Variants in SPOCK1 observed in about 807,000 individuals in gnomAD.
The protein encoded by SPOCK1 is SPARC (osteonectin), cwcv and kazal like domains proteoglycan 1, also known as testican-1.
Under a neutral mutation model 55.3 loss-of-function variants are expected in SPOCK1, and 23 were observed. The ratio of observed to expected loss-of-function variants is 0.42; its 90% CI spans 0.30 to 0.59. SPOCK1 has a LOEUF of 0.59. Ranked by LOEUF, SPOCK1 falls within the 20% of genes least tolerant of loss-of-function variation. The probability of loss-of-function intolerance (pLI) is 0.22; values close to 1 mark genes in which losing one functional copy is unlikely to be tolerated. For missense variants in SPOCK1, 499 were observed against 552.5 expected, an observed-to-expected ratio of 0.90 and a Z score of 0.97; for synonymous variants, 226 against 221.0, an observed-to-expected ratio of 1.02 and a Z score of -0.20.
chr5:137,397,991 A>T (rs531470327), intron 2 of SPOCK1, among the ~76,000 whole-genome samples: 3 of 152,286 alleles, frequency 2.0e-5, no homozygotes, highest in African/African-American at 7.2e-5. Context: ...AAAAGAAGGA[A>T]GATGAACTAC....
chr5:137,450,609 C>T lies in SPOCK1; in HGVS notation c.186+47764G>A, dbSNP rs557903537. The stretch of plus-strand genomic sequence containing the variant: ...TTCTTAGTAATTTTTTAACAAGAGG[C>T]CTCATATTTTACTTTTCTCCAGGCC... On this transcript the variant is annotated intron_variant, in intron 2 of 10. Transcript: ENST00000394945. Among the ~76,000 whole-genome samples, 6 of 152,262 alleles carry T rather than the reference C, an allele frequency of 3.9e-5. No homozygotes were observed. In the South Asian group the frequency reaches 8.3e-4, roughly 21 times the overall value.
intron 4 of SPOCK1, among the ~76,000 whole-genome samples, chr5:137,121,226 TATTTA>T (rs1753676603): frequency 6.6e-6 from 1 of 152,230 alleles, no homozygotes; most frequent in Non-Finnish European, 1.5e-5. Flanking sequence ...ATAATGATCA[TATTTA>T]ATTTCTCTGA....
chr5:137,061,808 G>A (rs754008988), intron 6 of SPOCK1, among the ~76,000 whole-genome samples: 11 of 152,178 alleles, frequency 7.2e-5, no homozygotes, highest in Non-Finnish European at 1.5e-4. Context: ...TTGGGAGTGT[G>A]GTGACATTCT....
chr5:137,187,321 T>C (rs1755088723), intron 3 of SPOCK1, among the ~76,000 whole-genome samples: 1 of 152,154 alleles, frequency 6.6e-6, no homozygotes, highest in African/African-American at 2.4e-5. Flanking sequence ...CTGGGGCCAG[T>C]GTTTACCTCA....
At chr5:137,347,750 A>G (rs1337493410) in intron 2 of SPOCK1, among the ~76,000 whole-genome samples, 1 of 151,796 alleles carries the variant, frequency 6.6e-6, no homozygotes, top group African/African-American at 2.4e-5. Context: ...CAAACAAACA[A>G]ACAAAAAAAA....
At chr5:137,414,428 AAATTCAC>A (rs1752286215) in intron 2 of SPOCK1, among the ~76,000 whole-genome samples, 1 of 152,232 alleles carries the variant, frequency 6.6e-6, no homozygotes, top group Non-Finnish European at 1.5e-5. Flanking sequence ...TGTGCTGGGT[AAATTCAC>A]TTATTCAGTA....
intron 4 of SPOCK1, among the ~76,000 whole-genome samples, chr5:137,127,753 A>C (rs1753804116): frequency 6.6e-6 from 1 of 152,184 alleles, no homozygotes; most frequent in African/African-American, 2.4e-5. Context: ...ACCACATAAC[A>C]TGTTGGTTTC....
chr5:137,255,422 A>G (rs1175149678), intron 3 of SPOCK1, among the ~76,000 whole-genome samples: 1 of 152,222 alleles, frequency 6.6e-6, no homozygotes, highest in African/African-American at 2.4e-5. Flanking sequence ...CATACATAGC[A>G]TGGCTTTGCT....
chr5:137,179,458 A>G (rs1349330107), intron 3 of SPOCK1, among the ~76,000 whole-genome samples: 1 of 152,134 alleles, frequency 6.6e-6, no homozygotes, highest in Non-Finnish European at 1.5e-5. Context: ...AGACCTTCAG[A>G]GGTCATCCAA....
At chr5:137,410,917 A>G (rs140289699) in intron 2 of SPOCK1, among the ~76,000 whole-genome samples, 22 of 152,346 alleles carry the variant, frequency 1.4e-4, no homozygotes, top group African/African-American at 4.8e-4. Context: ...AAGAGCACCA[A>G]GCCTTGCAGA....
At chr5:137,325,894 AC>A (rs888046034) in intron 2 of SPOCK1, among the ~76,000 whole-genome samples, 1 of 152,202 alleles carries the variant, frequency 6.6e-6, no homozygotes, top group Non-Finnish European at 1.5e-5. Context: ...TGGGAGTAAC[AC>A]ATTCCAGGCA....
intron 2 of SPOCK1, among the ~76,000 whole-genome samples, chr5:137,271,288 AG>A (rs1756958226): frequency 6.6e-6 from 1 of 151,254 alleles, no homozygotes; most frequent in Non-Finnish European, 1.5e-5. Context: ...GCTGGTGCAA[AG>A]GAATTTAACT....
intron 1 of SPOCK1, among the ~76,000 whole-genome samples, chr5:137,498,976 C>A (rs1349224711): frequency 6.6e-6 from 1 of 151,878 alleles, no homozygotes; most frequent in East Asian, 1.9e-4. Flanking sequence ...ACCCGAGCTC[C>A]GGCAAGCGGG....
At chr5:137,115,612 T>C (rs1356123598) in intron 4 of SPOCK1, among the ~76,000 whole-genome samples, 2 of 152,110 alleles carry the variant, frequency 1.3e-5, no homozygotes, top group African/African-American at 4.8e-5. Flanking sequence ...CTAGGACACG[T>C]TGGGGGCTCT....
intron 6 of SPOCK1, among the ~76,000 whole-genome samples, chr5:137,013,890 G>A (rs1005179276): frequency 2.6e-5 from 4 of 152,212 alleles, no homozygotes; most frequent in African/African-American, 7.2e-5. Context: ...CTTGGGAGCC[G>A]GGTCAGCAGA....
intron 3 of SPOCK1, among the ~76,000 whole-genome samples, chr5:137,239,826 A>C (rs556996617): frequency 2.8e-4 from 43 of 152,330 alleles, no homozygotes; most frequent in Admixed American, 1.7e-3. Flanking sequence ...AACTAGGAAA[A>C]GCCTAAAAAG....
intron 2 of SPOCK1, among the ~76,000 whole-genome samples, chr5:137,464,087 C>A (rs550751691): frequency 2.0e-5 from 3 of 152,212 alleles, no homozygotes; most frequent in African/African-American, 4.8e-5. Flanking sequence ...TCACTTGATC[C>A]CAGGAGTTTA....
At chr5:137,190,912 A>C (rs1401602422) in intron 3 of SPOCK1, among the ~76,000 whole-genome samples, 1 of 152,340 alleles carries the variant, frequency 6.6e-6, no homozygotes, top group Middle Eastern at 3.4e-3. Flanking sequence ...TTTTCTGAGC[A>C]AACCAAGGAG....
At chr5:136,982,869 G>C (rs1561570133) in intron 9 of SPOCK1, among the ~76,000 whole-genome samples, 1 of 152,138 alleles carries the variant, frequency 6.6e-6, no homozygotes. Context: ...CAGAGTACCA[G>C]AGTACCTCTG....
Sources: gnomAD v4.1 joint callset for allele counts (sites outside exome capture counted in the v4.1 genomes callset) on GRCh38, gnomAD v4.1.1 for gene constraint, MANE v1.5 for transcripts, NCBI Gene and HGNC (gene_info 2026-07-23, HGNC 2026-07-21) for gene names.